Variants in POLM observed in about 807,000 individuals in gnomAD.
The protein encoded by POLM is DNA-directed DNA/RNA polymerase mu.
A neutral mutation model predicts 56.7 loss-of-function variants in POLM; 52 were observed. The observed-to-expected ratio is 0.92, with a 90% confidence interval of 0.73 to 1.15. POLM has a LOEUF of 1.15. POLM is among the 50% of genes most tolerant of loss of function. The probability of loss-of-function intolerance (pLI) is 0.00; values close to 1 mark genes in which losing one functional copy is unlikely to be tolerated. For missense variants in POLM, 660 were observed against 663.6 expected, an observed-to-expected ratio of 0.99 and a Z score of 0.06; for synonymous variants, 273 against 274.3, an observed-to-expected ratio of 1.00 and a Z score of 0.05.
At chr7:44,078,610 C>T (rs1290413555) in intron 5 of POLM, 130 bp downstream of exon 5, 5 of 757,104 alleles carry the variant, frequency 6.6e-6, no homozygotes, top group Non-Finnish European at 2.2e-6. Flanking sequence ...GCCACTTCCT[C>T]GGCAAGACCT....
chr7:44,076,299 C>G (rs2096183170), intron 6 of POLM: 1 of 541,828 alleles, frequency 1.8e-6, no homozygotes, highest in Non-Finnish European at 3.3e-6. Context: ...CCTGGCATAT[C>G]ATGGAAGTTG....
At position 44,080,820 on chromosome 7, in the gene POLM, G is replaced by T. The variant is rs780912166; in HGVS notation, c.285C>A (p.Thr95=). 87 of 1,613,478 alleles carry T rather than the reference G, an allele frequency of 5.4e-5. No individual in the cohort carries two copies. Among genetic ancestry groups the T allele is most frequent in the Non-Finnish European group, 7.0e-5 (83 of 1,179,758 alleles). Residue 95 remains threonine, a synonymous_variant, in exon 2 of 11, where the codon ACC becomes ACA. Coordinates refer to ENST00000242248, the MANE Select transcript of POLM (RefSeq NM_013284.4). Reference sequence around the variant, plus strand: ...AGCTTATGTCCAGCAGAGCTGGGGGGGTGCAACCCGGGGGAGCAGCTGCCA... The same window carrying T: ...AGCTTATGTCCAGCAGAGCTGGGGGTGTGCAACCCGGGGGAGCAGCTGCCA... ...RRMAAAPPGC[T]PPALLDISWL...
At position 44,076,358 on chromosome 7, in the gene POLM, G is replaced by A. The variant is rs909138258; in HGVS notation, c.835+151C>T. 5.8e-6 allele frequency: 5 copies of A among 858,378 alleles called. No homozygotes were observed. In the African/African-American group the frequency reaches 8.4e-5, roughly 14 times the overall value. The allele number at this position is 858,378 out of a possible 1,614,324, so 53.2% of individuals were successfully genotyped here. A position where few individuals can be genotyped will look rare whatever the true frequency, so the allele number is the denominator to read the frequency against. On this transcript the variant is annotated intron_variant, in intron 6 of 10. Coordinates refer to ENST00000242248, the MANE Select transcript of POLM (RefSeq NM_013284.4). ...GAAAAGGCTTTGATAGATCCTGACT[G>A]CACTGGGTGGAGACCCCAGGAAGCC...
chr7:44,081,438 T>C (rs2096199564), intron 1 of POLM, among the ~76,000 whole-genome samples: 1 of 152,238 alleles, frequency 6.6e-6, no homozygotes. Flanking sequence ...CCTGAGTGGG[T>C]CTGGCGCACT....
chr7:44,073,937 C>A lies in POLM; in HGVS notation c.1160G>T (p.Arg387Ile). The A allele has an allele frequency of 1.9e-6, 3 of 1,614,238 alleles. No individual in the cohort carries two copies. The highest frequency in any genetic ancestry group is 1.6e-4 in the Middle Eastern group (1 of 6,062). The change falls in exon 9 of 11, where the codon AGA becomes ATA. Residue 387 changes from arginine (R) to isoleucine (I), a missense_variant. Transcript: ENST00000242248. Reference protein sequence around the residue: ...AQQSHMDAFERSFCIFRLPQP... With the variant: ...AQQSHMDAFEISFCIFRLPQP... Reference sequence around the variant, plus strand: ...TGGTAGGCGGAAAATGCAGAAACTTCTCTCAAAAGCGTCCATGTGGCTCTG... The same window carrying A: ...TGGTAGGCGGAAAATGCAGAAACTTATCTCAAAAGCGTCCATGTGGCTCTG...
At chr7:44,075,081 G>A (rs1261218709) in intron 6 of POLM, among the ~76,000 whole-genome samples, 2 of 152,124 alleles carry the variant, frequency 1.3e-5, no homozygotes, top group East Asian at 1.9e-4. Flanking sequence ...ATGGAGTCTC[G>A]CTCTTGTTGC....
Position 44,075,417 on chromosome 7 carries a change from T to C in POLM, c.836-887A>G, listed in dbSNP as rs527681900. ...ACAGTGAGCTCTCAGTAAACGCTGC[T>C]AACCATTCCTGACTACTCTTGCCAT... On this transcript the variant is annotated intron_variant, in intron 6 of 10. Coordinates refer to ENST00000242248, the MANE Select transcript of POLM (RefSeq NM_013284.4). Among the ~76,000 whole-genome samples, 5 of 152,296 alleles carry C rather than the reference T, an allele frequency of 3.3e-5. No homozygotes were observed. In the South Asian group the frequency reaches 1.0e-3, roughly 32 times the overall value.
chr7:44,082,528 G>T lies in POLM; in HGVS notation c.-90C>A. Reference sequence around the variant, plus strand: ...AGCCCCAGTGAGGCTGACGGAAGCGGGTGGGCGGGCGGGCGGCCGCCGGCT... The same window carrying T: ...AGCCCCAGTGAGGCTGACGGAAGCGTGTGGGCGGGCGGGCGGCCGCCGGCT... On this transcript the variant is annotated 5_prime_UTR_variant, in exon 1 of 11. Coordinates refer to ENST00000242248, the MANE Select transcript of POLM (RefSeq NM_013284.4). The T allele has an allele frequency of 2.0e-6, 1 of 509,300 alleles. No individual in the cohort carries two copies. The highest frequency in any genetic ancestry group is 3.1e-6 in the Non-Finnish European group (1 of 320,212). 31.5% of individuals were successfully genotyped at this position (509,300 alleles called of 1,614,324 possible). A position where few individuals can be genotyped will look rare whatever the true frequency, so the allele number is the denominator to read the frequency against.
intron 4 of POLM, among the ~76,000 whole-genome samples, chr7:44,079,292 G>C (rs1435382746): frequency 6.6e-6 from 1 of 152,184 alleles, no homozygotes; most frequent in Non-Finnish European, 1.5e-5. Context: ...CCACTGTGGA[G>C]GGCAGTTTGG....
Position 44,079,679 on chromosome 7 carries a change from G to C in POLM, c.534C>G (p.Thr178=), listed in dbSNP as rs1248496585. 4 of 1,613,460 alleles carry C rather than the reference G, an allele frequency of 2.5e-6. No homozygotes were observed. In the African/African-American group the frequency reaches 5.3e-5, roughly 22 times the overall value. The part of the protein sequence containing the change: ...GFEGSEGRLL[T]FCRAASVLKA... ...TGAGCACCGAGGCTGCTCTGCAGAAGGTGAGGAGGCGGCCCTCACTGCCTT... is the reference window on the plus strand; with the variant it reads ...TGAGCACCGAGGCTGCTCTGCAGAACGTGAGGAGGCGGCCCTCACTGCCTT... Residue 178 remains threonine, a synonymous_variant, in exon 4 of 11, where the codon ACC becomes ACG. Coordinates refer to ENST00000242248, the MANE Select transcript of POLM (RefSeq NM_013284.4).
chr7:44,082,423 G>C lies in POLM; in HGVS notation c.16C>G (p.Arg6Gly). 1 of 1,452,990 alleles carries C rather than the reference G, an allele frequency of 6.9e-7. No homozygotes were observed. The highest frequency in any genetic ancestry group is 9.0e-7 in the Non-Finnish European group (1 of 1,111,306). The allele number at this position is 1,452,990 out of a possible 1,614,324, so 90.0% of individuals were successfully genotyped here. The change falls in exon 1 of 11, where the codon CGG becomes GGG. Residue 6 changes from arginine to glycine, a missense_variant. Physicochemically the swap from Arg to Gly is moderately radical, Grantham distance 125 (BLOSUM62 -2). Coordinates refer to ENST00000242248, the MANE Select transcript of POLM (RefSeq NM_013284.4). The stretch of plus-strand genomic sequence containing the variant: ...CTAGGGGACCCGACCCGCGCTCGCC[G>C]CCGTTTGGGGAGCATTGGGACGACA... MLPKR[R>G]RARVGSPSGD... is the part of the protein sequence containing the mutation.
At chr7:44,079,146 A>G (rs1342575043) in intron 4 of POLM, among the ~76,000 whole-genome samples, 1 of 152,230 alleles carries the variant, frequency 6.6e-6, no homozygotes, top group East Asian at 1.9e-4. Flanking sequence ...TTTTCAGAAC[A>G]TGTGAACTCA....
intron 6 of POLM, among the ~76,000 whole-genome samples, chr7:44,075,511 C>T (rs887877691): frequency 6.6e-6 from 1 of 152,178 alleles, no homozygotes; most frequent in Non-Finnish European, 1.5e-5. Flanking sequence ...GGGCAGTGGC[C>T]CGGGGGAAGA....
chr7:44,077,319 GGGA>G (rs2096186534), intron 5 of POLM, among the ~76,000 whole-genome samples: 2 of 152,358 alleles, frequency 1.3e-5, no homozygotes, highest in Admixed American at 6.5e-5. Flanking sequence ...AGGGGCAGAG[GGGA>G]GGAGGAGTGG....
rs998205004 is a variant in POLM, at chr7:44,080,054, T to G, written c.373-95A>C. ...CTTTGTTTCTCCTGGGGTGTCCAAC[T>G]CGGGCCCTCTGGAGCTCATGGGACA... is the stretch of plus-strand genomic sequence containing the variant. On this transcript the variant is annotated intron_variant, in intron 2 of 10. Transcript: ENST00000242248. The G allele has an allele frequency of 3.4e-6, 3 of 873,504 alleles. No individual in the cohort carries two copies. The African/African-American group carries it at 5.0e-5, about 15-fold the overall frequency. The allele number at this position is 873,504 out of a possible 1,614,324, so 54.1% of individuals were successfully genotyped here. A position where few individuals can be genotyped will look rare whatever the true frequency, so the allele number is the denominator to read the frequency against.
rs1160166728 is a variant in POLM, at chr7:44,074,517, G to A, written c.849C>T (p.His283=). Residue 283 remains histidine (H), a synonymous_variant, in exon 7 of 11, where the codon CAC becomes CAT. Transcript: ENST00000242248. The part of the protein sequence containing the change: ...TQQQKAGLQH[H]QDLSTPVLRS... Reference sequence around the variant, plus strand: ...GCAGGACTGGGGTGCTCAGGTCCTGGTGGTGCTGGAGCCCTGGGGGCAACA... The same window carrying A: ...GCAGGACTGGGGTGCTCAGGTCCTGATGGTGCTGGAGCCCTGGGGGCAACA... 1 of 1,586,720 alleles carries A rather than the reference G, an allele frequency of 6.3e-7. No individual in the cohort carries two copies. The highest frequency in any genetic ancestry group is 8.6e-7 in the Non-Finnish European group (1 of 1,164,950).
rs2096170500 is a variant in POLM at position 44,072,212 on chromosome 7, C to T, written c.*1079G>A. ...TGTTCTGGGGATGGACCTGGTGTGC[C>T]CTACGTGTGCAAAAACTGCACCCCA... On this transcript the variant is annotated 3_prime_UTR_variant, in exon 11 of 11. Transcript: ENST00000242248. 6.6e-6 allele frequency: 1 copy of T among 152,168 alleles called. No homozygotes were observed. The highest frequency in any genetic ancestry group is 1.5e-5 in the Non-Finnish European group (1 of 68,042). 9.4% of individuals were successfully genotyped at this position (152,168 alleles called of 1,614,324 possible).
chr7:44,081,763 T>TTTGC (rs2096200597), intron 1 of POLM, among the ~76,000 whole-genome samples: 1 of 150,452 alleles, frequency 6.6e-6, no homozygotes, highest in South Asian at 2.1e-4. Flanking sequence ...TTTTTTTTTT[T>TTTGC]GAGACAGAGT....
Position 44,072,832 on chromosome 7 carries a change from A to G in POLM, c.*459T>C. ...TGGCACGAACCACAGCCTCCAGCTC[A>G]TGGCTCTCAAATGCAGTGCAGGTAT... On this transcript the variant is annotated 3_prime_UTR_variant, in exon 11 of 11. Coordinates refer to ENST00000242248, the MANE Select transcript of POLM (RefSeq NM_013284.4). 2.6e-6 allele frequency: 1 copy of G among 382,880 alleles called. No individual in the cohort carries two copies. The highest frequency in any genetic ancestry group is 4.7e-6 in the Non-Finnish European group (1 of 213,458). The allele number at this position is 382,880 out of a possible 1,614,324, so 23.7% of individuals were successfully genotyped here.
Sources: gnomAD v4.1 joint callset for allele counts (sites outside exome capture counted in the v4.1 genomes callset) on GRCh38, gnomAD v4.1.1 for gene constraint, MANE v1.5 for transcripts, NCBI Gene and HGNC (gene_info 2026-07-23, HGNC 2026-07-21) for gene names.